The following SYT16 variants were observed in gnomAD, a reference collection of about 807,000 sequenced individuals.
SYT16 encodes the protein synaptotagmin 16.
Under a neutral mutation model 61.4 loss-of-function variants are expected in SYT16, and 42 were observed. That is an observed-to-expected ratio of 0.68 (90% CI 0.53 to 0.89). The LOEUF is 0.89. Among genes scored for constraint, SYT16 ranks in the 40% least tolerant of loss-of-function variants. The pLI is 0.00. For missense variants in SYT16, 804 were observed against 807.3 expected (o/e 1.00, Z 0.05); for synonymous variants, 314 against 302.3 (o/e 1.04, Z -0.40).
intron 3 of SYT16, among the ~76,000 whole-genome samples, chr14:62,054,892 A>G (rs1025548097): frequency 1.2e-4 from 19 of 152,236 alleles, no homozygotes; most frequent in African/African-American, 4.3e-4. Flanking sequence ...CTAGAAAGCT[A>G]GAAACTCACA....
intron 1 of SYT16, among the ~76,000 whole-genome samples, chr14:61,828,253 GC>G (rs2045834346): frequency 6.6e-6 from 1 of 152,170 alleles, no homozygotes; most frequent in East Asian, 1.9e-4. Flanking sequence ...TGTTATGGTA[GC>G]CCTAGCAAAT....
intron 1 of SYT16, among the ~76,000 whole-genome samples, chr14:61,846,261 C>CTCCA (rs1474275958): frequency 1.3e-5 from 2 of 152,136 alleles, no homozygotes; most frequent in Non-Finnish European, 2.9e-5. Flanking sequence ...AAGTAGAGCA[C>CTCCA]TCCACTTATT....
chr14:62,084,125 A>G, intron 6 of SYT16, 71 bp from the exon 7 acceptor site: 1 of 1,526,984 alleles, frequency 6.5e-7, no homozygotes, highest in Non-Finnish European at 8.8e-7. Flanking sequence ...CACCAAACAT[A>G]ATATCGGCTT....
At chr14:62,020,725 G>A (rs1353260208) in intron 3 of SYT16, among the ~76,000 whole-genome samples, 1 of 152,170 alleles carries the variant, frequency 6.6e-6, no homozygotes, top group African/African-American at 2.4e-5. Context: ...TGGGCGTCAG[G>A]AGCCTCCTAG....
At chr14:62,020,014 T>G (rs1458095305) in intron 3 of SYT16, among the ~76,000 whole-genome samples, 1 of 152,156 alleles carries the variant, frequency 6.6e-6, no homozygotes, top group Non-Finnish European at 1.5e-5. Flanking sequence ...CCTTTCAGGT[T>G]TTTTTCTAAC....
At chr14:61,982,127 C>T (rs1359722116) in intron 2 of SYT16, among the ~76,000 whole-genome samples, 2 of 152,078 alleles carry the variant, frequency 1.3e-5, no homozygotes, top group East Asian at 3.9e-4. Context: ...TGGAGCCATT[C>T]TATGTTTGAA....
At position 61,842,822 on chromosome 14, in the gene SYT16, GC is replaced by G. The variant is rs373048467; in HGVS notation, c.-325+30013del. ...GATAGCATTAGGAGATATACCTAAT[GC>G]TAAATGACGAGTTAATGGGTGCAGC... On this transcript the variant is annotated intron_variant, in intron 1 of 7. Transcript: ENST00000683842. Among the ~76,000 whole-genome samples the G allele has an allele frequency of 4.2e-3, 637 of 152,070 alleles. 8 individuals carry two copies. The highest frequency in any genetic ancestry group is 0.032 in the South Asian group (153 of 4,800).
intron 1 of SYT16, among the ~76,000 whole-genome samples, chr14:61,858,259 A>T (rs969057696): frequency 3.9e-5 from 6 of 152,158 alleles, no homozygotes; most frequent in African/African-American, 7.2e-5. Context: ...TTCCGCATAC[A>T]GGGGAAAGAC....
At chr14:62,078,155 C>CTCTATATA (rs766089633) in intron 5 of SYT16, among the ~76,000 whole-genome samples, 5,297 of 135,684 alleles carry the variant, frequency 0.039, 90 homozygotes, top group Middle Eastern at 0.05. Flanking sequence ...CTCTCTCTCT[C>CTCTATATA]TATATATATA....
intron 1 of SYT16, among the ~76,000 whole-genome samples, chr14:61,907,003 T>G (rs970483619): frequency 3.3e-5 from 5 of 152,246 alleles, no homozygotes; most frequent in Admixed American, 6.5e-5. Flanking sequence ...TACCCTGTGC[T>G]AGAAGTTATG....
chr14:61,927,995 C>G (rs1161544887), intron 1 of SYT16, among the ~76,000 whole-genome samples: 1 of 152,124 alleles, frequency 6.6e-6, no homozygotes, highest in Non-Finnish European at 1.5e-5. Flanking sequence ...TCTGAACAGT[C>G]CTCAGGCTAA....
chr14:61,995,235 G>T (rs2052716539), intron 2 of SYT16, among the ~76,000 whole-genome samples: 1 of 152,048 alleles, frequency 6.6e-6, no homozygotes, highest in Admixed American at 6.6e-5. Context: ...AAAGATTGTG[G>T]AGAGCTATCT....
intron 3 of SYT16, among the ~76,000 whole-genome samples, chr14:62,043,506 C>T (rs2054829840): frequency 6.8e-6 from 1 of 147,188 alleles, no homozygotes; most frequent in Non-Finnish European, 1.5e-5. Context: ...CTCCCTGGTT[C>T]ACGCCATTCT....
chr14:62,064,788 T>C (rs1185777335), intron 3 of SYT16, among the ~76,000 whole-genome samples: 1 of 152,182 alleles, frequency 6.6e-6, no homozygotes, highest in Non-Finnish European at 1.5e-5. Context: ...TAATAGTACC[T>C]ACTTTCTTAG....
chr14:61,943,703 C>T (rs975921643), intron 1 of SYT16, among the ~76,000 whole-genome samples: 1 of 152,128 alleles, frequency 6.6e-6, no homozygotes, highest in Non-Finnish European at 1.5e-5. Flanking sequence ...TAAAAACTCT[C>T]GATAAATTAG....
intron 3 of SYT16, among the ~76,000 whole-genome samples, chr14:62,035,775 A>AT (rs1174186389): frequency 6.6e-6 from 1 of 152,204 alleles, no homozygotes; most frequent in African/African-American, 2.4e-5. Context: ...ATAAAGACTA[A>AT]TGAAATATAT....
Position 61,905,758 on chromosome 14 carries a change from CTTCT to C in SYT16, c.-324-64371_-324-64368del, listed in dbSNP as rs201417621. 9.3e-4 allele frequency among the ~76,000 whole-genome samples: 13 copies of C among 14,002 alleles called. No homozygotes were observed. The East Asian group carries it at 0.042, about 45-fold the overall frequency. 9.2% of individuals were successfully genotyped at this position (14,002 alleles called of 152,430 possible). A position where few individuals can be genotyped will look rare whatever the true frequency, so the allele number is the denominator to read the frequency against. ...TTCTGCTGCAATTGGACTTCTTCTT[CTTCT>C]TTTTTTTTTTTTTGGGGATAAATCT... On this transcript the variant is annotated intron_variant, in intron 1 of 7. Transcript: ENST00000683842.
chr14:61,834,611 A>G (rs1305925148), intron 1 of SYT16, among the ~76,000 whole-genome samples: 2 of 151,060 alleles, frequency 1.3e-5, no homozygotes, highest in Admixed American at 6.6e-5. Context: ...CTAATTTTGT[A>G]TTTTTAGTAG....
chr14:62,017,665 G>A (rs568912819), intron 3 of SYT16, among the ~76,000 whole-genome samples: 4 of 151,180 alleles, frequency 2.6e-5, no homozygotes, highest in Admixed American at 1.3e-4. Context: ...CTCAGGCTGC[G>A]TCTTCCCACC....
Sources: allele counts gnomAD v4.1 joint callset (sites outside exome capture counted in the v4.1 genomes callset), GRCh38; gene constraint gnomAD v4.1.1; transcripts MANE v1.5; gene names NCBI Gene and HGNC (gene_info 2026-07-23, HGNC 2026-07-21).